Variants in JAK2 observed in about 807,000 individuals in gnomAD.
The protein encoded by JAK2 is Janus kinase 2.
A neutral mutation model predicts 139.3 loss-of-function variants in JAK2; 86 were observed. The ratio of observed to expected loss-of-function variants is 0.62; its 90% CI spans 0.52 to 0.74. The LOEUF is 0.74. Among genes scored for constraint, JAK2 ranks in the 30% least tolerant of loss-of-function variants. JAK2 has a pLI of 0.00. For missense variants in JAK2, 1,421 were observed against 1,360.3 expected (o/e 1.04, Z -0.70); for synonymous variants, 490 against 437.7 (o/e 1.12, Z -1.49).
At chr9:5,118,914 T>C (rs533038095) in intron 22 of JAK2, among the ~76,000 whole-genome samples, 2 of 152,334 alleles carry the variant, frequency 1.3e-5, no homozygotes, top group South Asian at 4.1e-4. Flanking sequence ...CAGGTTCATC[T>C]GTTTTCTCAA....
At chr9:4,994,078 C>T (rs1394557891) in intron 2 of JAK2, among the ~76,000 whole-genome samples, 3 of 152,228 alleles carry the variant, frequency 2.0e-5, no homozygotes, top group African/African-American at 7.2e-5. Context: ...AATAATTATC[C>T]TACTTGTTTT....
intron 4 of JAK2, among the ~76,000 whole-genome samples, chr9:5,033,926 A>G (rs1823363542): frequency 2.0e-5 from 3 of 152,232 alleles, no homozygotes; most frequent in Non-Finnish European, 4.4e-5. Context: ...AAATGCTCCA[A>G]TTAAAAGACA....
At chr9:5,097,861 A>C (rs1267839391) in intron 22 of JAK2, 2 of 152,208 alleles carry the variant, frequency 1.3e-5, no homozygotes, top group Non-Finnish European at 2.9e-5. Flanking sequence ...CCCCATTCTC[A>C]GGTTATATGC....
intron 23 of JAK2, among the ~76,000 whole-genome samples, chr9:5,125,133 C>G (rs772176162): frequency 6.6e-6 from 1 of 151,100 alleles, no homozygotes; most frequent in Non-Finnish European, 1.5e-5. Context: ...ATCTCTAATG[C>G]AATTACTCAG....
intron 2 of JAK2, among the ~76,000 whole-genome samples, chr9:5,015,865 T>C (rs1204218684): frequency 6.6e-6 from 1 of 152,104 alleles, no homozygotes; most frequent in East Asian, 1.9e-4. Flanking sequence ...CTTTCTGTTC[T>C]AAACACGATT....
intron 5 of JAK2, among the ~76,000 whole-genome samples, chr9:5,047,035 G>A (rs1018919160): frequency 6.6e-6 from 1 of 152,022 alleles, no homozygotes; most frequent in African/African-American, 2.4e-5. Context: ...AGGAAGGATT[G>A]TCTTATCTAG....
At chr9:5,032,817 G>A (rs1026789424) in intron 4 of JAK2, among the ~76,000 whole-genome samples, 2 of 152,124 alleles carry the variant, frequency 1.3e-5, no homozygotes, top group Non-Finnish European at 2.9e-5. Flanking sequence ...AGAAAAACTG[G>A]AAACTCTAAA....
At chr9:5,081,183 C>G (rs1335392489) in intron 18 of JAK2, among the ~76,000 whole-genome samples, 1 of 151,854 alleles carries the variant, frequency 6.6e-6, no homozygotes, top group Non-Finnish European at 1.5e-5. Flanking sequence ...GCTTGAGCCA[C>G]CGCTCCCAGC....
intron 8 of JAK2, among the ~76,000 whole-genome samples, chr9:5,064,629 A>T (rs948004042): frequency 4.6e-5 from 7 of 152,260 alleles, no homozygotes; most frequent in African/African-American, 1.7e-4. Flanking sequence ...TATTAGTCTA[A>T]GAAGGACATT....
chr9:5,064,319 C>G (rs1218710011), intron 8 of JAK2, among the ~76,000 whole-genome samples: 1 of 152,044 alleles, frequency 6.6e-6, no homozygotes, highest in Non-Finnish European at 1.5e-5. Flanking sequence ...CACTTGAGGT[C>G]AGGAGTTGGA....
At chr9:5,086,330 C>A (rs1251245134) in intron 19 of JAK2, among the ~76,000 whole-genome samples, 1 of 152,168 alleles carries the variant, frequency 6.6e-6, no homozygotes, top group Non-Finnish European at 1.5e-5. Context: ...CCTTTACCTT[C>A]TCGCTTCACT....
At position 5,054,907 on chromosome 9, in the gene JAK2, T is replaced by G; in HGVS notation, c.936+23T>G. ...CAGGTAATCCTTAATGATATGTTCT[T>G]GTTCTTTGTTATTTTAAGTACAATG... On this transcript the variant is annotated intron_variant, in intron 7 of 24. Transcript: ENST00000381652. This position sits in a 1 kb window ranked among gnomAD's most constrained non-coding sequence, Gnocchi z 4.9. The G allele has an allele frequency of 2.0e-6, 3 of 1,479,662 alleles. No homozygotes were observed. The highest frequency in any genetic ancestry group is 1.8e-6 in the Non-Finnish European group (2 of 1,088,456). 91.7% of individuals were successfully genotyped at this position (1,479,662 alleles called of 1,614,324 possible). A position where few individuals can be genotyped will look rare whatever the true frequency, so the allele number is the denominator to read the frequency against.
In JAK2 at chr9:5,013,620, C is replaced by G. The variant is rs191202445; in HGVS notation, c.-25-8343C>G. 1.3e-3 allele frequency among the ~76,000 whole-genome samples: 202 copies of G among 152,262 alleles called. 1 individual carries two copies. Among genetic ancestry groups the G allele is most frequent in the African/African-American group, 4.0e-3 (165 of 41,554 alleles). ...CTTTCCATGTTTTGCATGCTTTTCTCCCTGCCAATAATGCCCTGTTTTTCA... is the reference window on the plus strand; with the variant it reads ...CTTTCCATGTTTTGCATGCTTTTCTGCCTGCCAATAATGCCCTGTTTTTCA... On this transcript the variant is annotated intron_variant, in intron 2 of 24. Transcript: ENST00000381652.
Position 5,077,581 on chromosome 9 carries a change from G to A in JAK2, c.1992+1G>A. Reference sequence around the variant, plus strand: ...GTTGGCATGGGCCATGCATTTTCTAGTAAGTAGTACAACCTTTTTATCAAA... The same window carrying A: ...GTTGGCATGGGCCATGCATTTTCTAATAAGTAGTACAACCTTTTTATCAAA... On this transcript the variant is annotated splice_donor_variant, in intron 15 of 24. Coordinates refer to ENST00000381652, the MANE Select transcript of JAK2 (RefSeq NM_004972.4). LOFTEE classifies it high-confidence loss of function. 1.4e-6 allele frequency: 2 copies of A among 1,473,648 alleles called. No individual in the cohort carries two copies. The highest frequency in any genetic ancestry group is 1.8e-6 in the Non-Finnish European group (2 of 1,111,662). The allele number at this position is 1,473,648 out of a possible 1,614,324, so 91.3% of individuals were successfully genotyped here. A position where few individuals can be genotyped will look rare whatever the true frequency, so the allele number is the denominator to read the frequency against.
chr9:5,128,805 C>CTACA lies in JAK2; in HGVS notation c.*2015_*2016insACAT, dbSNP rs1824166482. On this transcript the variant is annotated 3_prime_UTR_variant, in exon 25 of 25. Coordinates refer to ENST00000381652, the MANE Select transcript of JAK2 (RefSeq NM_004972.4). ...TAACCCTGTAGTTATTAAGTTGGTT[C>CTACA]TGTACAAGAAACAGGTAAGTAATTA... 6.6e-6 allele frequency among the ~76,000 whole-genome samples: 1 copy of CTACA among 151,894 alleles called. No individual in the cohort carries two copies. The highest frequency in any genetic ancestry group is 2.4e-5 in the African/African-American group (1 of 41,420).
At chr9:5,114,757 C>A in intron 22 of JAK2, 1 of 328,964 alleles carries the variant, frequency 3.0e-6, no homozygotes, top group South Asian at 2.6e-5. Context: ...CATGAGACAG[C>A]GACTGGCTCA....
At chr9:5,122,838 C>T (rs759954215) in intron 22 of JAK2, among the ~76,000 whole-genome samples, 166 bp from the exon 23 acceptor site, 2 of 143,284 alleles carry the variant, frequency 1.4e-5, no homozygotes, top group Non-Finnish European at 3.1e-5. Flanking sequence ...TCTAAGTTCA[C>T]AGGTGCCAGG....
intron 22 of JAK2, chr9:5,111,265 G>A (rs562322446): frequency 9.4e-5 from 47 of 499,538 alleles, no homozygotes; most frequent in South Asian, 8.2e-4. Context: ...GGCGTGCGCA[G>A]CCTGACTCAG....
At chr9:5,115,833 C>T (rs1268022553) in intron 22 of JAK2, among the ~76,000 whole-genome samples, 1 of 152,080 alleles carries the variant, frequency 6.6e-6, no homozygotes, top group African/African-American at 2.4e-5. Flanking sequence ...CACTTGTTCT[C>T]GCTGATAAGT....
Sources: allele counts gnomAD v4.1 joint callset (sites outside exome capture counted in the v4.1 genomes callset), GRCh38; gene constraint gnomAD v4.1.1; non-coding constraint Gnocchi (gnomAD v3.1); transcripts MANE v1.5; gene names NCBI Gene and HGNC (gene_info 2026-07-23, HGNC 2026-07-21).